TMC2: variants seen among roughly 807,000 people sequenced by gnomAD.
TMC2 encodes transmembrane channel-like protein 2.
Under a neutral mutation model 105.9 loss-of-function variants are expected in TMC2, and 102 were observed. That is an observed-to-expected ratio of 0.96 (90% CI 0.82 to 1.14). The LOEUF (loss-of-function observed/expected upper bound fraction) is 1.14, where lower values mean the gene tolerates loss of function less well. Ranked by LOEUF, TMC2 falls within the 50% of genes most tolerant of loss-of-function variation. TMC2 has a pLI of 0.00. For synonymous variants in TMC2, 402 were observed against 422.8 expected (o/e 0.95, Z 0.60); for missense variants, 1,093 against 1,134.3 (o/e 0.96, Z 0.52).
chr20:2,581,035 T>C (rs1246692640), intron 7 of TMC2, among the ~76,000 whole-genome samples: 1 of 152,212 alleles, frequency 6.6e-6, no homozygotes, highest in East Asian at 1.9e-4. Flanking sequence ...AGGAACAGTA[T>C]GTGTGCATTT....
Position 2,642,873 on chromosome 20 carries a change from C to T in TMC2, c.*1522C>T, listed in dbSNP as rs2086698152. Reference sequence around the variant, plus strand: ...CCTTAACCTCATCAACTGTTACAGCCACCACCCAACCAGGCCCCCAGGGGT... The same window carrying T: ...CCTTAACCTCATCAACTGTTACAGCTACCACCCAACCAGGCCCCCAGGGGT... On this transcript the variant is annotated 3_prime_UTR_variant, in exon 20 of 20. Transcript: ENST00000358864. Among the ~76,000 whole-genome samples the T allele has an allele frequency of 6.6e-6, 1 of 152,084 alleles. No homozygotes were observed. The highest frequency in any genetic ancestry group is 2.4e-5 in the African/African-American group (1 of 41,368).
At chr20:2,629,600 C>T (rs1372073152) in intron 17 of TMC2, among the ~76,000 whole-genome samples, 5 of 149,744 alleles carry the variant, frequency 3.3e-5, no homozygotes, top group Non-Finnish European at 5.9e-5. Flanking sequence ...CCATATAGTA[C>T]CTTGTGCAAA....
chr20:2,592,346 A>G lies in TMC2; in HGVS notation c.871A>G (p.Lys291Glu). The change falls in exon 8 of 20, where the codon AAG becomes GAG. Residue 291 changes from lysine (K) to glutamate (E), a missense_variant. Coordinates refer to ENST00000358864, the MANE Select transcript of TMC2 (RefSeq NM_080751.3). This position sits in a 1 kb window ranked among gnomAD's most constrained non-coding sequence, Gnocchi z 4.9. The part of the protein sequence containing the change: ...MGMPYGSIPR[K>E]TVPRAEEEKA... ...CATGCCCTATGGGAGTATTCCCAGA[A>G]AGACAGTGCCTCGGGCTGAGGAAGA... is the stretch of plus-strand genomic sequence containing the variant. 1 of 1,614,100 alleles carries G rather than the reference A, an allele frequency of 6.2e-7. No homozygotes were observed. Among genetic ancestry groups the G allele is most frequent in the Non-Finnish European group, 8.5e-7 (1 of 1,179,958 alleles).
At chr20:2,608,133 A>G in intron 11 of TMC2, among the ~76,000 whole-genome samples, 1 of 147,746 alleles carries the variant, frequency 6.8e-6, no homozygotes, top group Admixed American at 6.6e-5. Flanking sequence ...AAAAAAAAAA[A>G]AAAGAAAAAA....
chr20:2,592,216 C>T lies in TMC2; in HGVS notation c.835-94C>T, dbSNP rs192135067. 33 of 760,440 alleles carry T rather than the reference C, an allele frequency of 4.3e-5. No homozygotes were observed. In the Admixed American group the frequency reaches 7.1e-4, roughly 16 times the overall value. 47.1% of individuals were successfully genotyped at this position (760,440 alleles called of 1,614,324 possible). On this transcript the variant is annotated intron_variant, in intron 7 of 19. Transcript: ENST00000358864. The surrounding 1 kb of genome is among the most constrained non-coding windows in gnomAD (Gnocchi z 4.9). ...GAAAGAAGAAAATAGGTGTATTCCG[C>T]TCTGAGAAGGAAAGCATTTACCCCA...
At chr20:2,624,011 C>T (rs1034444955) in intron 16 of TMC2, among the ~76,000 whole-genome samples, 1 of 152,174 alleles carries the variant, frequency 6.6e-6, no homozygotes, top group Non-Finnish European at 1.5e-5. Flanking sequence ...ACACAAAAGA[C>T]CAGTGAAGGC....
At chr20:2,602,060 G>T in intron 10 of TMC2, 53 bp from the exon 11 acceptor site, 1 of 1,372,428 alleles carries the variant, frequency 7.3e-7, no homozygotes, top group Non-Finnish European at 1.0e-6. Flanking sequence ...AACAGCCATG[G>T]TTCTGGCATT....
At chr20:2,538,317 C>T (rs1600091049) in intron 2 of TMC2, among the ~76,000 whole-genome samples, 1 of 152,166 alleles carries the variant, frequency 6.6e-6, no homozygotes, top group African/African-American at 2.4e-5. Flanking sequence ...GCCCCTATCC[C>T]GGAACTTGCC....
At chr20:2,547,657 C>T (rs948804734) in intron 2 of TMC2, among the ~76,000 whole-genome samples, 27 of 152,156 alleles carry the variant, frequency 1.8e-4, no homozygotes, top group African/African-American at 6.3e-4. Context: ...AGGTATTTAA[C>T]TTCATTTGAG....
Position 2,558,830 on chromosome 20 carries a change from G to GC in TMC2, c.401+59dup. ...CTCCGCGCGCTCCCGCTCCTTCGCG[G>GC]CCCTTCCCCTTCCCCCGTGAGGGAC... On this transcript the variant is annotated intron_variant, in intron 3 of 19. Transcript: ENST00000358864. The surrounding 1 kb of genome is among the most constrained non-coding windows in gnomAD (Gnocchi z 4.6). The GC allele has an allele frequency of 6.8e-7, 1 of 1,468,906 alleles. No individual in the cohort carries two copies. The highest frequency in any genetic ancestry group is 9.0e-7 in the Non-Finnish European group (1 of 1,107,104). The allele number at this position is 1,468,906 out of a possible 1,614,324, so 91.0% of individuals were successfully genotyped here.
At chr20:2,604,165 C>G (rs2086372175) in intron 11 of TMC2, among the ~76,000 whole-genome samples, 1 of 152,194 alleles carries the variant, frequency 6.6e-6, no homozygotes. Flanking sequence ...CTGCCAAAAT[C>G]GGGAGAAGGT....
At chr20:2,620,232 TGATAAACAAGAAAGTACCA>T (rs1202691626) in intron 16 of TMC2, among the ~76,000 whole-genome samples, 1 of 152,244 alleles carries the variant, frequency 6.6e-6, no homozygotes, top group Non-Finnish European at 1.5e-5. Flanking sequence ...AGTAAGTAAC[TGATAAACAAGAAAGTACCA>T]GGATTTGATG....
chr20:2,556,073 ATTTTATT>A (rs972304177), intron 2 of TMC2, among the ~76,000 whole-genome samples: 28 of 152,230 alleles, frequency 1.8e-4, no homozygotes, highest in South Asian at 1.2e-3. Context: ...AAAAAGAAGG[ATTTTATT>A]TTTTATTTTT....
intron 17 of TMC2, among the ~76,000 whole-genome samples, chr20:2,630,200 G>A (rs2146264610): frequency 6.6e-6 from 1 of 152,314 alleles, no homozygotes; most frequent in East Asian, 1.9e-4. Context: ...AGGAAAAGGA[G>A]TCGATTGCAT....
At chr20:2,579,927 C>A in intron 6 of TMC2, 23 bp from the exon 7 acceptor site, 2 of 1,554,228 alleles carry the variant, frequency 1.3e-6, no homozygotes, top group Admixed American at 1.7e-5. Flanking sequence ...AGCACTCATA[C>A]CCACCGTCTT....
At chr20:2,578,269 G>A (rs932010365) in intron 5 of TMC2, among the ~76,000 whole-genome samples, 4 of 151,674 alleles carry the variant, frequency 2.6e-5, no homozygotes, top group East Asian at 2.0e-4. Context: ...GCAGTGAACC[G>A]AGATTGCGCT....
intron 14 of TMC2, 149 bp downstream of exon 14, chr20:2,613,471 AT>A (rs1254095650): frequency 8.4e-7 from 1 of 1,190,826 alleles, no homozygotes; most frequent in South Asian, 1.3e-5. Flanking sequence ...TTTAATTTGT[AT>A]TTCCTTTAAG....
intron 17 of TMC2, among the ~76,000 whole-genome samples, chr20:2,628,243 C>T (rs529173904): frequency 2.0e-5 from 3 of 151,632 alleles, no homozygotes; most frequent in East Asian, 1.9e-4. Context: ...TACTGTATTC[C>T]TTATCATTTT....
chr20:2,541,346 GA>G (rs2085888512), intron 2 of TMC2, among the ~76,000 whole-genome samples: 1 of 152,170 alleles, frequency 6.6e-6, no homozygotes, highest in Non-Finnish European at 1.5e-5. Flanking sequence ...TAACAGATCA[GA>G]AAGTATTTTT....
Sources: allele counts gnomAD v4.1 joint callset (sites outside exome capture counted in the v4.1 genomes callset), GRCh38; gene constraint gnomAD v4.1.1; non-coding constraint Gnocchi (gnomAD v3.1); transcripts MANE v1.5; gene names NCBI Gene and HGNC (gene_info 2026-07-23, HGNC 2026-07-21).